Variants in SESTD1 observed in about 807,000 individuals in gnomAD.
SESTD1 encodes SEC14 and spectrin domain containing 1, also known as SEC14 domain and spectrin repeat-containing protein 1.
Under a neutral mutation model 101.7 loss-of-function variants are expected in SESTD1, and 43 were observed. The observed-to-expected ratio is 0.42, with a 90% CI of 0.33 to 0.55. SESTD1 has a LOEUF of 0.55. SESTD1 is among the 20% of genes least tolerant of loss of function. The pLI is 0.07. For synonymous variants in SESTD1, 283 were observed against 286.8 expected (o/e 0.99, Z 0.13); for missense variants, 647 against 815.1 (o/e 0.79, Z 2.51).
At chr2:179,160,266 C>T (rs750453492) in intron 5 of SESTD1, among the ~76,000 whole-genome samples, 4 of 152,120 alleles carry the variant, frequency 2.6e-5, no homozygotes, top group African/African-American at 9.7e-5. Flanking sequence ...ACATGTATTA[C>T]GTATAATTCA....
At chr2:179,141,546 A>G (rs2045275656) in intron 9 of SESTD1, among the ~76,000 whole-genome samples, 1 of 151,862 alleles carries the variant, frequency 6.6e-6, no homozygotes, top group Admixed American at 6.6e-5. Flanking sequence ...AGATGTTATT[A>G]ATAGAAGACT....
chr2:179,134,245 C>T (rs979636948), intron 9 of SESTD1, among the ~76,000 whole-genome samples: 1 of 152,144 alleles, frequency 6.6e-6, no homozygotes, highest in African/African-American at 2.4e-5. Flanking sequence ...AGTGTTATAG[C>T]CAATTCTCAT....
chr2:179,112,444 C>A (rs952950529), intron 17 of SESTD1, among the ~76,000 whole-genome samples: 10 of 152,228 alleles, frequency 6.6e-5, no homozygotes, highest in Non-Finnish European at 1.2e-4. Context: ...TCACACTATT[C>A]CCCACCATCA....
rs577722727 is a variant in SESTD1 at position 179,102,805 on chromosome 2, A to G, written c.*7094T>C. 1 of 152,200 alleles carries G rather than the reference A, an allele frequency of 6.6e-6. No individual in the cohort carries two copies. 9.4% of individuals were successfully genotyped at this position (152,200 alleles called of 1,614,324 possible). On this transcript the variant is annotated 3_prime_UTR_variant, in exon 18 of 18. Coordinates refer to ENST00000428443, the MANE Select transcript of SESTD1 (RefSeq NM_178123.5). ...GGGTGGTATTGAATAAAGAGACAAT[A>G]TTGAAAATATTTTTAAACGCTAAAA...
chr2:179,158,376 C>T (rs1219684629), intron 5 of SESTD1, among the ~76,000 whole-genome samples: 2 of 152,140 alleles, frequency 1.3e-5, no homozygotes, highest in African/African-American at 2.4e-5. Flanking sequence ...TTCCTTTCTA[C>T]TTTTATAGTT....
intron 1 of SESTD1, among the ~76,000 whole-genome samples, chr2:179,241,901 G>GA (rs1351410798): frequency 1.4e-5 from 2 of 145,760 alleles, no homozygotes; most frequent in African/African-American, 5.1e-5. Flanking sequence ...CAGCCTGGGT[G>GA]AAAGAGCGAG....
At chr2:179,146,268 C>A in intron 8 of SESTD1, 134 bp downstream of exon 8, 1 of 763,684 alleles carries the variant, frequency 1.3e-6, no homozygotes, top group Non-Finnish European at 2.2e-6. Context: ...CAAAACCAGT[C>A]CCTGGTCCTC....
intron 5 of SESTD1, among the ~76,000 whole-genome samples, chr2:179,157,842 T>G (rs551261889): frequency 6.6e-6 from 1 of 152,334 alleles, no homozygotes; most frequent in Admixed American, 6.5e-5. Flanking sequence ...TTTCATTTGT[T>G]TCTTTGCAAT....
intron 9 of SESTD1, among the ~76,000 whole-genome samples, chr2:179,138,105 A>G (rs1023141213): frequency 6.6e-6 from 1 of 151,986 alleles, no homozygotes; most frequent in African/African-American, 2.4e-5. Flanking sequence ...TGTTATCCTG[A>G]TAAAGAAAAC....
Position 179,110,037 on chromosome 2 carries a change from C to G in SESTD1, c.1962-9G>C, listed in dbSNP as rs374432698. ...CAAAATATTGTTCGGTTCTAAAAAT[C>G]AAAACACACAGAAAAACCTCAGATT... On this transcript the variant is annotated splice_polypyrimidine_tract_variant and intron_variant, in intron 17 of 17. Coordinates refer to ENST00000428443, the MANE Select transcript of SESTD1 (RefSeq NM_178123.5). 1.9e-5 allele frequency: 31 copies of G among 1,611,846 alleles called. No homozygotes were observed. Among genetic ancestry groups the G allele is most frequent in the Middle Eastern group, 3.3e-4 (2 of 6,078 alleles).
At chr2:179,222,865 C>G (rs1432268991) in intron 1 of SESTD1, among the ~76,000 whole-genome samples, 1 of 152,146 alleles carries the variant, frequency 6.6e-6, no homozygotes, top group Non-Finnish European at 1.5e-5. Context: ...GTGCTTCTCT[C>G]CACTATATTA....
At chr2:179,232,057 T>C (rs545217257) in intron 1 of SESTD1, among the ~76,000 whole-genome samples, 1 of 152,126 alleles carries the variant, frequency 6.6e-6, no homozygotes, top group East Asian at 1.9e-4. Context: ...TAATAAAAAC[T>C]GTACCTCCTT....
chr2:179,259,334 C>A (rs534610428), intron 1 of SESTD1, among the ~76,000 whole-genome samples: 3 of 152,204 alleles, frequency 2.0e-5, no homozygotes, highest in Admixed American at 6.5e-5. Context: ...CGGGTTCAAG[C>A]AATTCTCTGC....
rs146557671 is a variant in SESTD1, at chr2:179,137,828, C to T, written c.850-5402G>A. Among the ~76,000 whole-genome samples, 9 of 152,260 alleles carry T rather than the reference C, an allele frequency of 5.9e-5. No individual in the cohort carries two copies. In the East Asian group the frequency reaches 1.7e-3, roughly 29 times the overall value. ...GAAGTTTGAAACAATTCAATTTTCA[C>T]TGATTTAACAGAGATACTCAGTTTA... On this transcript the variant is annotated intron_variant, in intron 9 of 17. Coordinates refer to ENST00000428443, the MANE Select transcript of SESTD1 (RefSeq NM_178123.5).
At chr2:179,111,106 G>A (rs2044496129) in intron 17 of SESTD1, among the ~76,000 whole-genome samples, 1 of 152,158 alleles carries the variant, frequency 6.6e-6, no homozygotes, top group African/African-American at 2.4e-5. Context: ...ATCAGGGAGG[G>A]TAAGGGATCC....
chr2:179,236,415 T>G (rs1474456186), intron 1 of SESTD1, among the ~76,000 whole-genome samples: 1 of 151,362 alleles, frequency 6.6e-6, no homozygotes, highest in Non-Finnish European at 1.5e-5. Flanking sequence ...GAGGACCACT[T>G]GAGCCCAGGA....
chr2:179,137,344 G>C (rs1450716957), intron 9 of SESTD1, among the ~76,000 whole-genome samples: 1 of 152,106 alleles, frequency 6.6e-6, no homozygotes, highest in Non-Finnish European at 1.5e-5. Flanking sequence ...AGTCAAACCA[G>C]GCAGAAGGGC....
intron 8 of SESTD1, among the ~76,000 whole-genome samples, 170 bp from the exon 9 acceptor site, chr2:179,143,973 C>T (rs1256303399): frequency 1.3e-5 from 2 of 151,414 alleles, no homozygotes; most frequent in South Asian, 2.1e-4. Context: ...GAAAACTGTA[C>T]ATATTAATAT....
chr2:179,196,700 T>C (rs111404973), intron 1 of SESTD1, among the ~76,000 whole-genome samples: 1 of 152,136 alleles, frequency 6.6e-6, no homozygotes, highest in East Asian at 1.9e-4. Context: ...AGGGGCAGAC[T>C]GACACCTCAC....
Sources: allele counts gnomAD v4.1 joint callset (sites outside exome capture counted in the v4.1 genomes callset), GRCh38; gene constraint gnomAD v4.1.1; transcripts MANE v1.5; gene names NCBI Gene and HGNC (gene_info 2026-07-23, HGNC 2026-07-21).